RHOU: variants seen among roughly 807,000 people sequenced by gnomAD.
RHOU encodes rho-related GTP-binding protein RhoU.
RHOU carries 8 observed loss-of-function variants against 12.6 expected under a neutral mutation model. The ratio of observed to expected loss-of-function variants is 0.64; its 90% confidence interval spans 0.37 to 1.15. The LOEUF is 1.15. Ranked by LOEUF, RHOU falls within the 50% of genes most tolerant of loss-of-function variation. The pLI, the probability that RHOU is intolerant of heterozygous loss-of-function variation, is 0.01. For missense variants in RHOU, 258 were observed against 347.0 expected, an observed-to-expected ratio of 0.74 and a Z score of 2.04; for synonymous variants, 161 against 147.4, an observed-to-expected ratio of 1.09 and a Z score of -0.67.
the RHOU span, among the ~76,000 whole-genome samples, chr1:228,687,073 A>G: frequency 6.6e-6 from 1 of 152,348 alleles, no homozygotes; most frequent in African/African-American, 2.4e-5. Flanking sequence ...ATAAAAAATT[A>G]TAGTGAGCTG....
At chr1:228,663,979 TCCCTCCCCTC>T in the RHOU span, among the ~76,000 whole-genome samples, 1 of 15,518 alleles carries the variant, frequency 6.4e-5, no homozygotes, top group Non-Finnish European at 1.3e-4. Flanking sequence ...CCCCTCCCCT[TCCCTCCCCTC>T]CCCTCCCCTC....
chr1:228,704,641 A>G, the RHOU span, among the ~76,000 whole-genome samples: 10 of 148,546 alleles, frequency 6.7e-5, no homozygotes, highest in Admixed American at 4.7e-4. Flanking sequence ...TTTTTTTTTA[A>G]GTAGCGATGG....
the RHOU span, among the ~76,000 whole-genome samples, chr1:228,674,909 T>C: frequency 6.6e-6 from 1 of 151,784 alleles, no homozygotes; most frequent in Non-Finnish European, 1.5e-5. Flanking sequence ...TTTTTGTATT[T>C]TAGTAAAGAC....
the RHOU span, among the ~76,000 whole-genome samples, chr1:228,703,044 T>C: frequency 2.6e-5 from 4 of 152,090 alleles, no homozygotes; most frequent in Non-Finnish European, 5.9e-5. Flanking sequence ...TATCAGTTGC[T>C]CAAACCAAGG....
the RHOU span, among the ~76,000 whole-genome samples, chr1:228,668,660 C>T: frequency 2.6e-5 from 4 of 152,194 alleles, no homozygotes; most frequent in Admixed American, 2.6e-4. Flanking sequence ...TTCACAGGCA[C>T]TAAATTATAA....
At chr1:228,720,428 C>T in the RHOU span, among the ~76,000 whole-genome samples, 1 of 152,086 alleles carries the variant, frequency 6.6e-6, no homozygotes, top group Non-Finnish European at 1.5e-5. Flanking sequence ...GAAGTCCTAA[C>T]CCCCAATACC....
chr1:228,696,307 G>T, the RHOU span, among the ~76,000 whole-genome samples: 1 of 148,750 alleles, frequency 6.7e-6, no homozygotes, highest in African/African-American at 2.5e-5. Context: ...AGAAGTAGAA[G>T]AAATTTACTC....
Position 228,737,298 on chromosome 1 carries a change from T to C in RHOU, c.263-375T>C, listed in dbSNP as rs1176960402. Reference sequence around the variant, plus strand: ...GAAAACAGAATTATTTGTGAGGTTTTCCACTGATTTAAAACTGCAGGGTTG... The same window carrying C: ...GAAAACAGAATTATTTGTGAGGTTTCCCACTGATTTAAAACTGCAGGGTTG... On this transcript the variant is annotated intron_variant, in intron 1 of 2. Transcript: ENST00000366691. The surrounding 1 kb of genome is among the most constrained non-coding windows in gnomAD (Gnocchi z 4.1). Among the ~76,000 whole-genome samples the C allele has an allele frequency of 6.6e-6, 1 of 152,202 alleles. No individual in the cohort carries two copies. Among genetic ancestry groups the C allele is most frequent in the East Asian group, 1.9e-4 (1 of 5,188 alleles).
the RHOU span, among the ~76,000 whole-genome samples, chr1:228,691,437 T>G: frequency 1.1e-5 from 1 of 91,640 alleles, no homozygotes; most frequent in Non-Finnish European, 2.0e-5. Context: ...TCCCTCCAAC[T>G]CCTGGCAACC....
In RHOU at chr1:228,742,205, C is replaced by T. The variant is rs1662737391; in HGVS notation, c.322-1080C>T. Among the ~76,000 whole-genome samples the T allele has an allele frequency of 2.0e-5, 3 of 152,182 alleles. 1 individual carries two copies. Among genetic ancestry groups the T allele is most frequent in the African/African-American group, 2.4e-5 (1 of 41,440 alleles). ...AATATTTTTCTACAAAAGAGTTGAGCAAAAGTTGTCAGTTAGCTGAATATG... is the reference window on the plus strand; with the variant it reads ...AATATTTTTCTACAAAAGAGTTGAGTAAAAGTTGTCAGTTAGCTGAATATG... On this transcript the variant is annotated intron_variant, in intron 2 of 2. Coordinates refer to ENST00000366691, the MANE Select transcript of RHOU (RefSeq NM_021205.6).
chr1:228,674,501 C>T, the RHOU span, among the ~76,000 whole-genome samples: 1 of 151,876 alleles, frequency 6.6e-6, no homozygotes, highest in Non-Finnish European at 1.5e-5. Flanking sequence ...TGCCTGCCAC[C>T]ACACCCAGCT....
chr1:228,712,757 A>C, the RHOU span, among the ~76,000 whole-genome samples: 2 of 151,166 alleles, frequency 1.3e-5, no homozygotes, highest in Non-Finnish European at 2.9e-5. Context: ...ACATGCATAC[A>C]TATGTAACTA....
At position 228,741,325 on chromosome 1, in the gene RHOU, A is replaced by T. The variant is rs1309295311; in HGVS notation, c.322-1960A>T. ...GATTTCAGGTCAGGCACTGAGCAGGAGGGTCTAATTTCTGTTTTATTTCTC... is the reference window on the plus strand; with the variant it reads ...GATTTCAGGTCAGGCACTGAGCAGGTGGGTCTAATTTCTGTTTTATTTCTC... On this transcript the variant is annotated intron_variant, in intron 2 of 2. Coordinates refer to ENST00000366691, the MANE Select transcript of RHOU (RefSeq NM_021205.6). Among the ~76,000 whole-genome samples the T allele has an allele frequency of 3.3e-5, 5 of 152,246 alleles. No homozygotes were observed. In the East Asian group the frequency reaches 7.7e-4, roughly 24 times the overall value.
chr1:228,683,138 C>G, the RHOU span, among the ~76,000 whole-genome samples: 5 of 149,792 alleles, frequency 3.3e-5, no homozygotes, highest in Admixed American at 6.6e-5. Flanking sequence ...TCAACTACAC[C>G]TGACAGATCT....
In RHOU at chr1:228,745,467, T is replaced by A. The variant is rs1662809286; in HGVS notation, c.*1727T>A. 1 of 152,252 alleles carries A rather than the reference T, an allele frequency of 6.6e-6. No individual in the cohort carries two copies. The highest frequency in any genetic ancestry group is 6.5e-5 in the Admixed American group (1 of 15,286). 9.4% of individuals were successfully genotyped at this position (152,252 alleles called of 1,614,324 possible). A position where few individuals can be genotyped will look rare whatever the true frequency, so the allele number is the denominator to read the frequency against. ...GTTTTTCTATAGAAAAAGTAAAAGA[T>A]CAGGTTATACTTTAGGTTAGGGGTT... On this transcript the variant is annotated 3_prime_UTR_variant, in exon 3 of 3. Transcript: ENST00000366691.
At chr1:228,671,248 A>G in the RHOU span, among the ~76,000 whole-genome samples, 4 of 151,782 alleles carry the variant, frequency 2.6e-5, no homozygotes, top group African/African-American at 9.7e-5. Context: ...CAGGTGATCC[A>G]CTCGCCTTGA....
At chr1:228,716,169 T>TG in the RHOU span, among the ~76,000 whole-genome samples, 1 of 152,146 alleles carries the variant, frequency 6.6e-6, no homozygotes, top group Non-Finnish European at 1.5e-5. Context: ...CCTCCTGCAT[T>TG]GGTCTTCCAA....
the RHOU span, among the ~76,000 whole-genome samples, chr1:228,660,254 C>T: frequency 6.6e-6 from 1 of 151,584 alleles, no homozygotes. Flanking sequence ...GGAATATGAA[C>T]CCTACCAAGA....
At chr1:228,689,242 G>A in the RHOU span, among the ~76,000 whole-genome samples, 3 of 152,124 alleles carry the variant, frequency 2.0e-5, no homozygotes, top group African/African-American at 4.8e-5. Flanking sequence ...CGAAGAAGCC[G>A]AAGAGTCAAA....
Sources: gnomAD v4.1 joint callset for allele counts (sites outside exome capture counted in the v4.1 genomes callset) on GRCh38, gnomAD v4.1.1 for gene constraint, Gnocchi (gnomAD v3.1) non-coding constraint, MANE v1.5 for transcripts, NCBI Gene and HGNC (gene_info 2026-07-23, HGNC 2026-07-21) for gene names.